The following DEGS1 variants were observed in gnomAD, a reference collection of about 807,000 sequenced individuals.
DEGS1 encodes sphingolipid delta(4)-desaturase DES1.
In DEGS1, 17 loss-of-function variants were observed where a neutral mutation model predicts 24.1. That is an observed-to-expected ratio of 0.70 (90% CI 0.48 to 1.06). The LOEUF (loss-of-function observed/expected upper bound fraction) is 1.06, where lower values mean the gene tolerates loss of function less well. Ranked by LOEUF, DEGS1 falls within the 50% of genes least tolerant of loss-of-function variation. The pLI is 0.00. For synonymous variants in DEGS1, 134 were observed against 140.0 expected, an observed-to-expected ratio of 0.96 and a Z score of 0.30; for missense variants, 366 against 408.9, an observed-to-expected ratio of 0.90 and a Z score of 0.91.
In DEGS1 at chr1:224,193,196, A is replaced by G. The variant is rs1419213679; in HGVS notation, c.*718A>G. ...ATTTGTTACATTTTTGTATTTCACT[A>G]TCTTTATACTATATAATATGGTAAC... On this transcript the variant is annotated 3_prime_UTR_variant, in exon 3 of 3. Transcript: ENST00000323699. 6.6e-6 allele frequency: 1 copy of G among 152,178 alleles called. No homozygotes were observed. Among genetic ancestry groups the G allele is most frequent in the African/African-American group, 2.4e-5 (1 of 41,448 alleles). The allele number at this position is 152,178 out of a possible 1,614,324, so 9.4% of individuals were successfully genotyped here. A position where few individuals can be genotyped will look rare whatever the true frequency, so the allele number is the denominator to read the frequency against.
At position 224,183,310 on chromosome 1, in the gene DEGS1, G is replaced by C. The variant is rs770182324; in HGVS notation, c.-27G>C. The C allele has an allele frequency of 1.4e-6, 2 of 1,477,422 alleles. No homozygotes were observed. Among genetic ancestry groups the C allele is most frequent in the Non-Finnish European group, 9.0e-7 (1 of 1,111,984 alleles). The allele number at this position is 1,477,422 out of a possible 1,614,324, so 91.5% of individuals were successfully genotyped here. On this transcript the variant is annotated 5_prime_UTR_variant, in exon 1 of 3. Coordinates refer to ENST00000323699, the MANE Select transcript of DEGS1 (RefSeq NM_003676.4). ...AGCCGGCTGGGAGCGAGAGCCGACA[G>C]CTAGTCTGCAAGCCACCGCTGTCGC...
intron 1 of DEGS1, among the ~76,000 whole-genome samples, chr1:224,188,997 G>A (rs1473289571): frequency 1.3e-5 from 2 of 152,146 alleles, no homozygotes; most frequent in Non-Finnish European, 2.9e-5. Context: ...GTGTAAGGTA[G>A]GGGTCTGAAT....
chr1:224,185,758 T>C (rs978081956), intron 1 of DEGS1, among the ~76,000 whole-genome samples: 7 of 152,170 alleles, frequency 4.6e-5, no homozygotes, highest in Non-Finnish European at 7.3e-5. Flanking sequence ...CCTCCCAAAG[T>C]CCTGGGATTA....
intron 1 of DEGS1, among the ~76,000 whole-genome samples, chr1:224,184,120 C>G (rs1658313315): frequency 6.6e-6 from 1 of 152,202 alleles, no homozygotes; most frequent in Non-Finnish European, 1.5e-5. Flanking sequence ...CATTTTTCAT[C>G]CATCTCGGTT....
chr1:224,183,668 G>A lies in DEGS1; in HGVS notation c.82+250G>A, dbSNP rs959945276. On this transcript the variant is annotated intron_variant, in intron 1 of 2. Transcript: ENST00000323699. Reference sequence around the variant, plus strand: ...CCCTTCCGCGAAGAGGCGCAGGCGCGTCCCCGAGCGCGGGAGTCCCCGCCA... The same window carrying A: ...CCCTTCCGCGAAGAGGCGCAGGCGCATCCCCGAGCGCGGGAGTCCCCGCCA... 9 of 312,782 alleles carry A rather than the reference G, an allele frequency of 2.9e-5. 1 individual carries two copies. Among genetic ancestry groups the A allele is most frequent in the Non-Finnish European group, 5.2e-5 (9 of 171,750 alleles). 19.4% of individuals were successfully genotyped at this position (312,782 alleles called of 1,614,324 possible).
intron 1 of DEGS1, among the ~76,000 whole-genome samples, chr1:224,186,854 G>C (rs1658408618): frequency 1.3e-5 from 2 of 152,092 alleles, no homozygotes; most frequent in South Asian, 4.1e-4. Context: ...AGAATCTTTA[G>C]ATTTGTTTAA....
At chr1:224,191,867 G>T (rs1406486814) in intron 2 of DEGS1, among the ~76,000 whole-genome samples, 1 of 152,004 alleles carries the variant, frequency 6.6e-6, no homozygotes, top group Non-Finnish European at 1.5e-5. Context: ...AAAGTCCTGG[G>T]ATTACAGGTA....
In DEGS1 at chr1:224,186,599, A is replaced by G. The variant is rs181667848; in HGVS notation, c.83-2978A>G. 9.4e-3 allele frequency among the ~76,000 whole-genome samples: 1,423 copies of G among 151,862 alleles called. 27 individuals are homozygous for G. Among genetic ancestry groups the G allele is most frequent in the African/African-American group, 0.033 (1,365 of 41,414 alleles). On this transcript the variant is annotated intron_variant, in intron 1 of 2. Transcript: ENST00000323699. The stretch of plus-strand genomic sequence containing the variant: ...GTGGCGGCAGCCACCTGTAGTCCCA[A>G]CTACTCAGGAGGCCGAGGCAGGAGA...
intron 2 of DEGS1, chr1:224,191,254 G>C (rs929304310): frequency 2.6e-5 from 4 of 151,930 alleles, no homozygotes. Flanking sequence ...GCTGGGCATG[G>C]TGGCGGGTAC....
Position 224,183,275 on chromosome 1 carries a change from A to T in DEGS1, c.-62A>T. The T allele has an allele frequency of 7.2e-7, 1 of 1,397,346 alleles. No individual in the cohort carries two copies. Among genetic ancestry groups the T allele is most frequent in the African/African-American group, 1.5e-5 (1 of 66,194 alleles). The allele number at this position is 1,397,346 out of a possible 1,614,324, so 86.6% of individuals were successfully genotyped here. A position where few individuals can be genotyped will look rare whatever the true frequency, so the allele number is the denominator to read the frequency against. On this transcript the variant is annotated 5_prime_UTR_variant, in exon 1 of 3. Transcript: ENST00000323699. The stretch of plus-strand genomic sequence containing the variant: ...CCGGGGAGCCGCCGCCGCCGCCGCC[A>T]CCTCTGAGCAGCCGGCTGGGAGCGA...
chr1:224,185,710 A>C (rs1658366622), intron 1 of DEGS1, among the ~76,000 whole-genome samples: 1 of 151,832 alleles, frequency 6.6e-6, no homozygotes, highest in Non-Finnish European at 1.5e-5. Context: ...GTTTTGCCAC[A>C]TTGGCCAGGC....
rs1658589396 is a variant in DEGS1, at chr1:224,193,177, T to TA, written c.*700dup. The TA allele has an allele frequency of 6.6e-6, 1 of 152,244 alleles. No individual in the cohort carries two copies. The highest frequency in any genetic ancestry group is 1.5e-5 in the Non-Finnish European group (1 of 68,054). The allele number at this position is 152,244 out of a possible 1,614,324, so 9.4% of individuals were successfully genotyped here. ...TTAATCACAGTGTATTAGTATTTGT[T>TA]ACATTTTTGTATTTCACTATCTTTA... On this transcript the variant is annotated 3_prime_UTR_variant, in exon 3 of 3. Transcript: ENST00000323699.
rs1037480284 is a variant in DEGS1, at chr1:224,192,768, A to G, written c.*290A>G. 2 of 302,676 alleles carry G rather than the reference A, an allele frequency of 6.6e-6. No individual in the cohort carries two copies. Among genetic ancestry groups the G allele is most frequent in the Non-Finnish European group, 1.2e-5 (2 of 164,136 alleles). 18.7% of individuals were successfully genotyped at this position (302,676 alleles called of 1,614,324 possible). ...TCATTTAAAAAGCTTCTAAAAAGCT[A>G]TTTCGCCAGGCACGGTGGCTCATGC... On this transcript the variant is annotated 3_prime_UTR_variant, in exon 3 of 3. Transcript: ENST00000323699.
At chr1:224,183,789 G>A (rs999913886) in intron 1 of DEGS1, 17 of 167,978 alleles carry the variant, frequency 1.0e-4, no homozygotes, top group African/African-American at 4.0e-4. Context: ...TCAGGTGGGC[G>A]CCCTTTCCTC....
At chr1:224,183,795 TCCTCTCACCACTC>T (rs1231809611) in intron 1 of DEGS1, 1 of 163,384 alleles carries the variant, frequency 6.1e-6, no homozygotes, top group Non-Finnish European at 1.3e-5. Flanking sequence ...GGGCGCCCTT[TCCTCTCACCACTC>T]CCTCTCCTCC....
At chr1:224,191,590 CTTTTT>C (rs748181749) in intron 2 of DEGS1, among the ~76,000 whole-genome samples, 1 of 53,302 alleles carries the variant, frequency 1.9e-5, no homozygotes, top group East Asian at 6.6e-4. Context: ...TTGATAAGTG[CTTTTT>C]TTTTTTTTTT....
At chr1:224,189,544 C>T (rs1439014227) in intron 1 of DEGS1, 33 bp from the exon 2 acceptor site, 2 of 1,491,278 alleles carry the variant, frequency 1.3e-6, no homozygotes, top group East Asian at 4.5e-5. Flanking sequence ...ACATACTTTT[C>T]TTAGTTCCTG....
intron 1 of DEGS1, among the ~76,000 whole-genome samples, chr1:224,184,006 G>GC (rs923256046): frequency 3.3e-4 from 50 of 152,340 alleles, no homozygotes; most frequent in African/African-American, 1.2e-3. Context: ...CCCTCCATAT[G>GC]CCCCCCGGGG....
chr1:224,185,720 C>G (rs910217822), intron 1 of DEGS1, among the ~76,000 whole-genome samples: 5 of 152,138 alleles, frequency 3.3e-5, no homozygotes, highest in Non-Finnish European at 5.9e-5. Flanking sequence ...ATTGGCCAGG[C>G]TGGTCTCAGA....
Sources: gnomAD v4.1 joint callset for allele counts (sites outside exome capture counted in the v4.1 genomes callset) on GRCh38, gnomAD v4.1.1 for gene constraint, MANE v1.5 for transcripts, NCBI Gene and HGNC (gene_info 2026-07-23, HGNC 2026-07-21) for gene names.